PIEZO2: variants seen among roughly 807,000 people sequenced by gnomAD.
The protein encoded by PIEZO2 is piezo-type mechanosensitive ion channel component 2.
Under a neutral mutation model 337.3 loss-of-function variants are expected in PIEZO2, and 172 were observed. The ratio of observed to expected loss-of-function variants is 0.51; its 90% CI spans 0.45 to 0.58. The LOEUF (loss-of-function observed/expected upper bound fraction) is 0.58. Ranked by LOEUF, PIEZO2 falls within the 20% of genes least tolerant of loss-of-function variation. The pLI is 0.00. For missense variants in PIEZO2, 3,028 were observed against 3,391.3 expected (o/e 0.89, Z 2.66); for synonymous variants, 1,251 against 1,228.5 (o/e 1.02, Z -0.38).
At chr18:10,768,502 C>T (rs1386756756) in intron 21 of PIEZO2, among the ~76,000 whole-genome samples, 3 of 152,150 alleles carry the variant, frequency 2.0e-5, no homozygotes, top group African/African-American at 4.8e-5. Flanking sequence ...GGTGACATCA[C>T]GCACAACACG....
intron 1 of PIEZO2, among the ~76,000 whole-genome samples, chr18:11,091,985 C>G (rs1207771508): frequency 6.6e-6 from 1 of 152,130 alleles, no homozygotes; most frequent in African/African-American, 2.4e-5. Context: ...CCGTGGTTTC[C>G]CCACGCTATT....
Position 10,746,726 on chromosome 18 carries a change from G to T in PIEZO2, c.4424+1745C>A, listed in dbSNP as rs2037438754. ...AAAAGAAGCCCAAGGGGGGTCTCTT[G>T]CCCCTTCCACCAAAATAGGATGCAG... is the stretch of plus-strand genomic sequence containing the variant. On this transcript the variant is annotated intron_variant, in intron 30 of 55. Transcript: ENST00000674853. The surrounding 1 kb of genome is among the most constrained non-coding windows in gnomAD (Gnocchi z 4.2). Among the ~76,000 whole-genome samples, 1 of 152,160 alleles carries T rather than the reference G, an allele frequency of 6.6e-6. No homozygotes were observed. The highest frequency in any genetic ancestry group is 2.4e-5 in the African/African-American group (1 of 41,438).
chr18:10,906,599 C>T (rs961760066), intron 4 of PIEZO2, among the ~76,000 whole-genome samples: 11 of 151,562 alleles, frequency 7.3e-5, no homozygotes, highest in African/African-American at 1.2e-4. Context: ...CTTGCTCTGT[C>T]GCCCAGGCTG....
intron 37 of PIEZO2, 114 bp downstream of exon 37, chr18:10,718,086 G>C: frequency 1.1e-6 from 1 of 900,066 alleles, no homozygotes; most frequent in Non-Finnish European, 1.7e-6. Flanking sequence ...TTTACTCATA[G>C]TCCAGAAAAC....
chr18:11,016,774 C>A lies in PIEZO2; in HGVS notation c.161-37114G>T, dbSNP rs1427666344. Among the ~76,000 whole-genome samples the A allele has an allele frequency of 6.6e-6, 1 of 152,166 alleles. No individual in the cohort carries two copies. The highest frequency in any genetic ancestry group is 1.9e-4 in the East Asian group (1 of 5,194). On this transcript the variant is annotated intron_variant, in intron 2 of 55. Transcript: ENST00000674853. This position sits in a 1 kb window ranked among gnomAD's most constrained non-coding sequence, Gnocchi z 5.6. ...TTCCTTCCCAGTTTTCATCCCCATA[C>A]ATGTGGATTTGATATATTTATTTAG...
At chr18:11,052,975 G>A (rs1229159965) in intron 2 of PIEZO2, among the ~76,000 whole-genome samples, 1 of 152,150 alleles carries the variant, frequency 6.6e-6, no homozygotes, top group Non-Finnish European at 1.5e-5. Context: ...AGGAGCGTTA[G>A]CTCTGTCGTC....
rs76089967 is a variant in PIEZO2, at chr18:11,107,014, T to G, written c.65-40792A>C. 5.3e-4 allele frequency among the ~76,000 whole-genome samples: 80 copies of G among 152,298 alleles called. 1 individual carries two copies. The East Asian group carries it at 0.014, about 26-fold the overall frequency. On this transcript the variant is annotated intron_variant, in intron 1 of 55. Coordinates refer to ENST00000674853, the MANE Select transcript of PIEZO2 (RefSeq NM_001378183.1). ...CTAGGAACTAAGCAAAGCTTCAGTTTGACAAAAAACGTCATTGGTTGACCC... is the reference window on the plus strand; with the variant it reads ...CTAGGAACTAAGCAAAGCTTCAGTTGGACAAAAAACGTCATTGGTTGACCC...
intron 13 of PIEZO2, among the ~76,000 whole-genome samples, chr18:10,793,422 A>G (rs1448514513): frequency 2.0e-5 from 3 of 152,116 alleles, no homozygotes; most frequent in African/African-American, 7.2e-5. Context: ...CTTTTTTTCC[A>G]CGAGTAACAA....
chr18:11,030,048 C>T (rs187254654), intron 2 of PIEZO2, among the ~76,000 whole-genome samples: 6 of 152,258 alleles, frequency 3.9e-5, no homozygotes, highest in Admixed American at 2.6e-4. Context: ...GAAGGCAGTA[C>T]TCTGCATATA....
chr18:11,123,402 T>C (rs772059434), intron 1 of PIEZO2, among the ~76,000 whole-genome samples: 44 of 152,230 alleles, frequency 2.9e-4, no homozygotes, highest in Non-Finnish European at 2.2e-4. Flanking sequence ...CATATGCTGT[T>C]AAATTTCTAG....
rs57885955 is a variant in PIEZO2 at position 11,143,600 on chromosome 18, AACACACACACACAC to A, written c.64+4911_64+4924del. On this transcript the variant is annotated intron_variant, in intron 1 of 55. Transcript: ENST00000674853. The surrounding 1 kb of genome is among the most constrained non-coding windows in gnomAD (Gnocchi z 4.9). The stretch of plus-strand genomic sequence containing the variant: ...AAAATCCTGAGAACTAAAAATCTCT[AACACACACACACAC>A]ACACACACACACACACACACACACA... Among the ~76,000 whole-genome samples, 524 of 106,596 alleles carry A rather than the reference AACACACACACACAC, an allele frequency of 4.9e-3. 3 individuals carry two copies. The highest frequency in any genetic ancestry group is 8.5e-3 in the African/African-American group (262 of 30,798). 69.9% of individuals were successfully genotyped at this position (106,596 alleles called of 152,430 possible). A position where few individuals can be genotyped will look rare whatever the true frequency, so the allele number is the denominator to read the frequency against.
chr18:11,017,527 A>T (rs760715424), intron 2 of PIEZO2, among the ~76,000 whole-genome samples: 2 of 151,358 alleles, frequency 1.3e-5, no homozygotes, highest in Non-Finnish European at 2.9e-5. Context: ...TTCTAACATA[A>T]TATGTGCAGG....
chr18:10,806,104 A>C (rs62083238), intron 8 of PIEZO2, among the ~76,000 whole-genome samples: 3 of 151,996 alleles, frequency 2.0e-5, no homozygotes. Context: ...ACTGATGAAC[A>C]TGTGGGAATG....
At position 11,035,022 on chromosome 18, in the gene PIEZO2, T is replaced by C. The variant is rs2036876032; in HGVS notation, c.160+31105A>G. Among the ~76,000 whole-genome samples the C allele has an allele frequency of 6.6e-6, 1 of 152,238 alleles. No homozygotes were observed. The highest frequency in any genetic ancestry group is 2.1e-4 in the South Asian group (1 of 4,834). On this transcript the variant is annotated intron_variant, in intron 2 of 55. Transcript: ENST00000674853. This position sits in a 1 kb window ranked among gnomAD's most constrained non-coding sequence, Gnocchi z 4.3. Reference sequence around the variant, plus strand: ...AAGGTAACTCAAGGTCTTCTCAGCCTGCAGAGCAAAGCAGAAGCAACCCCA... The same window carrying C: ...AAGGTAACTCAAGGTCTTCTCAGCCCGCAGAGCAAAGCAGAAGCAACCCCA...
intron 52 of PIEZO2, 149 bp from the exon 53 acceptor site, chr18:10,678,024 A>G: frequency 2.7e-6 from 2 of 737,484 alleles, no homozygotes; most frequent in Non-Finnish European, 4.2e-6. Context: ...AGTCTACTTC[A>G]CCTCAATGCT....
intron 1 of PIEZO2, among the ~76,000 whole-genome samples, chr18:11,130,914 G>T (rs1310686298): frequency 1.3e-5 from 2 of 152,194 alleles, no homozygotes; most frequent in African/African-American, 2.4e-5. Flanking sequence ...ACAGGTCCAG[G>T]CTGCTGTACA....
rs965445676 is a variant in PIEZO2, at chr18:10,705,685, C to T, written c.5650G>A (p.Val1884Met). ...GCCTCCTCCTCCTGCTCAGCCTCCA[C>T]CTCCTCGATGGTCTCAGTGGTCCCC... ...RQGTTETIEE[V>M]EAEQEEEAGS... Residue 1884 changes from valine to methionine, a missense_variant, in exon 41 of 56, where the codon GTG (valine) becomes ATG (methionine). Around this residue, in one of 5 missense-constraint regions of PIEZO2, gnomAD observed 1,925 missense variants for 2,051.9 expected, o/e 0.94. Transcript: ENST00000674853. The T allele has an allele frequency of 2.3e-5, 36 of 1,536,844 alleles. No homozygotes were observed. Among genetic ancestry groups the T allele is most frequent in the Non-Finnish European group, 2.9e-5 (33 of 1,146,904 alleles).
chr18:10,951,985 T>C (rs2033315574), intron 3 of PIEZO2, among the ~76,000 whole-genome samples: 2 of 152,210 alleles, frequency 1.3e-5, no homozygotes, highest in Admixed American at 1.3e-4. Context: ...TTGTCAAGTA[T>C]AGGGCTTCTT....
rs1250175812 is a variant in PIEZO2 at position 11,001,269 on chromosome 18, T to C, written c.161-21609A>G. On this transcript the variant is annotated intron_variant, in intron 2 of 55. Transcript: ENST00000674853. This position sits in a 1 kb window ranked among gnomAD's most constrained non-coding sequence, Gnocchi z 5.3. ...CTTTATGGCTTATGGTGGATTTTTA[T>C]GCATGGGTCATCTGGCCACGATTTC... Among the ~76,000 whole-genome samples the C allele has an allele frequency of 6.6e-6, 1 of 152,168 alleles. No homozygotes were observed. The highest frequency in any genetic ancestry group is 1.9e-4 in the East Asian group (1 of 5,178).
Sources: allele counts gnomAD v4.1 joint callset (sites outside exome capture counted in the v4.1 genomes callset), GRCh38; gene constraint gnomAD v4.1.1; regional missense constraint gnomAD v4.1.1; non-coding constraint Gnocchi (gnomAD v3.1); transcripts MANE v1.5; gene names NCBI Gene and HGNC (gene_info 2026-07-23, HGNC 2026-07-21).